The following ARSG variants were observed in gnomAD, a reference collection of about 807,000 sequenced individuals.
ARSG encodes ASG.
A neutral mutation model predicts 50.5 loss-of-function variants in ARSG; 37 were observed. The observed-to-expected ratio is 0.73, with a 90% CI of 0.56 to 0.96. The LOEUF (loss-of-function observed/expected upper bound fraction) is 0.96. Ranked by LOEUF, ARSG falls within the 50% of genes least tolerant of loss-of-function variation. The probability of loss-of-function intolerance (pLI) is 0.00; values close to 1 mark genes in which losing one functional copy is unlikely to be tolerated. For synonymous variants in ARSG, 225 were observed against 254.6 expected (o/e 0.88, Z 1.11); for missense variants, 629 against 675.3 (o/e 0.93, Z 0.76).
chr17:68,436,997 AAAAAAAAAAT>A, the ARSG span, among the ~76,000 whole-genome samples: 16 of 59,002 alleles, frequency 2.7e-4, no homozygotes, highest in South Asian at 5.1e-3. Flanking sequence ...CCGTCTCAAA[AAAAAAAAAAT>A]ATATATATAT....
At chr17:68,352,889 C>CA (rs895992148) in intron 5 of ARSG, among the ~76,000 whole-genome samples, 8 of 151,568 alleles carry the variant, frequency 5.3e-5, no homozygotes, top group Middle Eastern at 6.9e-3. Flanking sequence ...TTTATGATCA[C>CA]AAAAAAAAGA....
chr17:68,396,726 C>G (rs2081264716), intron 10 of ARSG, among the ~76,000 whole-genome samples: 1 of 152,174 alleles, frequency 6.6e-6, no homozygotes, highest in Non-Finnish European at 1.5e-5. Flanking sequence ...CATGGGTCTT[C>G]TATGGGCCAT....
intron 5 of ARSG, 46 bp downstream of exon 5, chr17:68,351,732 A>G: frequency 7.6e-7 from 1 of 1,310,212 alleles, no homozygotes; most frequent in Non-Finnish European, 1.1e-6. Flanking sequence ...GACAAGGCAA[A>G]GTTCCAAGAC....
intron 5 of ARSG, among the ~76,000 whole-genome samples, chr17:68,355,665 C>T (rs2078999003): frequency 6.6e-6 from 1 of 152,044 alleles, no homozygotes; most frequent in Non-Finnish European, 1.5e-5. Flanking sequence ...TGGTCTTGAA[C>T]TTCTGACCTC....
At chr17:68,430,720 T>C in the ARSG span, among the ~76,000 whole-genome samples, 2 of 152,204 alleles carry the variant, frequency 1.3e-5, no homozygotes, top group Non-Finnish European at 1.5e-5. Flanking sequence ...CCTACAGTCA[T>C]GGAACTTCAT....
chr17:68,304,755 G>A (rs115224564), intron 1 of ARSG, among the ~76,000 whole-genome samples: 2 of 152,158 alleles, frequency 1.3e-5, no homozygotes, highest in Non-Finnish European at 2.9e-5. Flanking sequence ...ATCTTGAACC[G>A]CTAGCCTCAA....
chr17:68,449,750 C>G, the ARSG span, among the ~76,000 whole-genome samples: 3 of 152,200 alleles, frequency 2.0e-5, no homozygotes, highest in Non-Finnish European at 4.4e-5. Flanking sequence ...CCTGCAGAAC[C>G]TTGACCCAGT....
chr17:68,291,888 G>A (rs2076010503), intron 1 of ARSG, among the ~76,000 whole-genome samples: 1 of 151,764 alleles, frequency 6.6e-6, no homozygotes, highest in African/African-American at 2.4e-5. Context: ...ACACGCGCGC[G>A]CCGGGGCTGA....
In ARSG at chr17:68,381,105, A is replaced by G. The variant is rs1452255218; in HGVS notation, c.983-3959A>G. 3.9e-5 allele frequency among the ~76,000 whole-genome samples: 6 copies of G among 152,058 alleles called. No homozygotes were observed. Among genetic ancestry groups the G allele is most frequent in the Non-Finnish European group, 7.4e-5 (5 of 68,016 alleles). ...TTCTCTTGTATGGAGAAATTTGCGAATTTCCTTGTTTGCTGCATTGCCTTT... is the reference window on the plus strand; with the variant it reads ...TTCTCTTGTATGGAGAAATTTGCGAGTTTCCTTGTTTGCTGCATTGCCTTT... On this transcript the variant is annotated intron_variant, in intron 8 of 11. Transcript: ENST00000621439. The surrounding 1 kb of genome is among the most constrained non-coding windows in gnomAD (Gnocchi z 4.1).
the ARSG span, among the ~76,000 whole-genome samples, chr17:68,435,974 C>T: frequency 2.0e-5 from 3 of 152,244 alleles, no homozygotes; most frequent in Non-Finnish European, 2.9e-5. Flanking sequence ...AGTGTGATGC[C>T]GTCGCAGGCG....
chr17:68,315,074 A>G (rs1387617400), intron 2 of ARSG, among the ~76,000 whole-genome samples: 1 of 152,196 alleles, frequency 6.6e-6, no homozygotes, highest in Non-Finnish European at 1.5e-5. Context: ...TTTCTCTTAT[A>G]TCTCAGATGA....
intron 1 of ARSG, chr17:68,270,804 T>C (rs782085718): frequency 3.7e-5 from 57 of 1,521,668 alleles, no homozygotes; most frequent in Non-Finnish European, 4.7e-5. Flanking sequence ...CAAGGGAAAG[T>C]AGACAAGTGT....
At chr17:68,346,808 A>C in intron 3 of ARSG, 1 of 1,335,746 alleles carries the variant, frequency 7.5e-7, no homozygotes, top group Non-Finnish European at 9.8e-7. Context: ...GAAGGAGCCC[A>C]TGTGGGGTTG....
intron 11 of ARSG, among the ~76,000 whole-genome samples, chr17:68,403,148 A>G (rs1056921383): frequency 6.6e-6 from 1 of 152,116 alleles, no homozygotes; most frequent in Admixed American, 6.6e-5. Context: ...ATTCTCTAAA[A>G]CCTAAAACTC....
intron 1 of ARSG, among the ~76,000 whole-genome samples, chr17:68,292,061 G>A (rs1436717740): frequency 2.0e-5 from 3 of 151,966 alleles, no homozygotes; most frequent in Admixed American, 6.6e-5. Flanking sequence ...TCCCCTTCCG[G>A]CAGTGGGGAG....
At chr17:68,319,853 G>T (rs1477689345) in intron 2 of ARSG, among the ~76,000 whole-genome samples, 2 of 152,216 alleles carry the variant, frequency 1.3e-5, no homozygotes, top group Admixed American at 6.5e-5. Flanking sequence ...ATAACCTGAG[G>T]TAGATGTATC....
At chr17:68,392,994 T>C (rs1036146532) in intron 9 of ARSG, among the ~76,000 whole-genome samples, 42 of 152,196 alleles carry the variant, frequency 2.8e-4, no homozygotes, top group African/African-American at 1.0e-3. Context: ...ACCAAGCTGG[T>C]GACAGGTAGA....
chr17:68,365,169 G>A (rs917215487), intron 6 of ARSG, among the ~76,000 whole-genome samples: 3 of 152,140 alleles, frequency 2.0e-5, no homozygotes, highest in African/African-American at 4.8e-5. Context: ...AATTAGCCAG[G>A]TGTGGTGGCG....
intron 1 of ARSG, among the ~76,000 whole-genome samples, chr17:68,276,147 G>A (rs782568039): frequency 2.6e-5 from 4 of 151,392 alleles, no homozygotes; most frequent in Non-Finnish European, 4.4e-5. Flanking sequence ...AGGCTGGAGT[G>A]CAGTGGCACA....
Sources: gnomAD v4.1 joint callset for allele counts (sites outside exome capture counted in the v4.1 genomes callset) on GRCh38, gnomAD v4.1.1 for gene constraint, Gnocchi (gnomAD v3.1) non-coding constraint, MANE v1.5 for transcripts, NCBI Gene and HGNC (gene_info 2026-07-23, HGNC 2026-07-21) for gene names.